GYS2: variants seen among roughly 807,000 people sequenced by gnomAD.
GYS2 encodes the protein glycogen synthase 2.
In GYS2, 80 loss-of-function variants were observed where a neutral mutation model predicts 85.6. The ratio of observed to expected loss-of-function variants is 0.93; its 90% CI spans 0.78 to 1.13. The LOEUF is 1.13. Ranked by LOEUF, GYS2 falls within the 50% of genes most tolerant of loss-of-function variation. The pLI, the probability that GYS2 is intolerant of heterozygous loss-of-function variation, is 0.00. For missense variants in GYS2, 881 were observed against 854.9 expected (o/e 1.03, Z -0.38); for synonymous variants, 328 against 300.7 (o/e 1.09, Z -0.94).
chr12:21,588,985 C>T (rs1944604452), intron 1 of GYS2, among the ~76,000 whole-genome samples: 1 of 152,200 alleles, frequency 6.6e-6, no homozygotes, highest in South Asian at 2.1e-4. Context: ...TGCAAAATTT[C>T]CAAAGAATTT....
rs1944039208 is a variant in GYS2 at position 21,546,357 on chromosome 12, C to T, written c.1536G>A (p.Trp512Ter). Residue 512 changes from tryptophan to a stop codon, truncating the protein, a stop_gained, in exon 12 of 16, where the codon TGG becomes TGA. Coordinates refer to ENST00000261195, the MANE Select transcript of GYS2 (RefSeq NM_021957.4). LOFTEE classifies it high-confidence loss of function. ...LGVFPSYYEPWGYTPAECTVM... is the reference protein window; with the variant it reads ...LGVFPSYYEP Reference sequence around the variant, plus strand: ...CATGACACATACCTGGAGTATAACCCCAGGGTTCATAGTATGATGGAAATA... The same window carrying T: ...CATGACACATACCTGGAGTATAACCTCAGGGTTCATAGTATGATGGAAATA... 3.1e-6 allele frequency: 5 copies of T among 1,603,566 alleles called. No homozygotes were observed. Among genetic ancestry groups the T allele is most frequent in the Non-Finnish European group, 4.3e-6 (5 of 1,171,340 alleles).
intron 11 of GYS2, among the ~76,000 whole-genome samples, chr12:21,553,207 G>A (rs1015504603): frequency 1.3e-5 from 2 of 152,282 alleles, no homozygotes; most frequent in African/African-American, 2.4e-5. Flanking sequence ...GAGCCACTGC[G>A]CTTGGCCTAT....
At chr12:21,578,070 A>T (rs574176650) in intron 2 of GYS2, among the ~76,000 whole-genome samples, 26 of 152,170 alleles carry the variant, frequency 1.7e-4, no homozygotes, top group African/African-American at 5.5e-4. Flanking sequence ...TCAAATCCCA[A>T]ATGATTTCTT....
chr12:21,574,415 C>T, intron 3 of GYS2, 89 bp from the exon 4 acceptor site: 2 of 998,952 alleles, frequency 2.0e-6, no homozygotes, highest in South Asian at 2.7e-5. Flanking sequence ...GTTATGGTGT[C>T]TATAAATTAT....
rs1219981050 is a variant in GYS2, at chr12:21,562,967, C to T, written c.1013G>A (p.Gly338Glu). The T allele has an allele frequency of 4.3e-6, 7 of 1,612,408 alleles. No individual in the cohort carries two copies. The highest frequency in any genetic ancestry group is 5.9e-6 in the Non-Finnish European group (7 of 1,178,642). Residue 338 changes from glycine to glutamate, a missense_variant, in exon 7 of 16, where the codon GGA becomes GAA. Physicochemically the swap from Gly to Glu is moderately conservative, Grantham distance 98. Coordinates refer to ENST00000261195, the MANE Select transcript of GYS2 (RefSeq NM_021957.4). ...IAGRYEFSNKGADIFLESLSR... is the reference protein window; with the variant it reads ...IAGRYEFSNKEADIFLESLSR... ...TAAGGATTCTAGGAAGATGTCAGCT[C>T]CTTTGTTTGAAAACTCATACCTCCC...
At chr12:21,569,233 T>A (rs564120815) in intron 4 of GYS2, among the ~76,000 whole-genome samples, 20 of 152,328 alleles carry the variant, frequency 1.3e-4, no homozygotes, top group African/African-American at 4.6e-4. Context: ...AACTGCAGTT[T>A]AACTCCCTAA....
intron 1 of GYS2, among the ~76,000 whole-genome samples, 168 bp downstream of exon 1, chr12:21,604,304 T>C (rs71539423): frequency 0.013 from 1,940 of 152,276 alleles, 21 homozygotes; most frequent in Middle Eastern, 0.031. Flanking sequence ...ATTCATAGCC[T>C]GTTGTAATAG....
chr12:21,553,473 T>A (rs1944137865), intron 11 of GYS2, among the ~76,000 whole-genome samples: 1 of 152,184 alleles, frequency 6.6e-6, no homozygotes. Context: ...TCCCTCTGGA[T>A]CTATTGCAGC....
At chr12:21,568,713 T>C in intron 5 of GYS2, 152 bp downstream of exon 5, 2 of 726,308 alleles carry the variant, frequency 2.8e-6, no homozygotes, top group South Asian at 1.5e-5. Context: ...CCTGCAAACC[T>C]ACTGAAATTG....
intron 2 of GYS2, among the ~76,000 whole-genome samples, chr12:21,580,015 G>T (rs761059208): frequency 1.3e-5 from 2 of 152,168 alleles, no homozygotes; most frequent in South Asian, 2.1e-4. Flanking sequence ...CACAAGGTTT[G>T]GTTGAAAACC....
At chr12:21,575,795 A>G in intron 3 of GYS2, 71 bp downstream of exon 3, 3 of 1,160,868 alleles carry the variant, frequency 2.6e-6, no homozygotes, top group Non-Finnish European at 3.9e-6. Context: ...TTTAAAGATC[A>G]TGGGATCATT....
At chr12:21,586,456 T>TATCC (rs1439878922) in intron 1 of GYS2, among the ~76,000 whole-genome samples, 2 of 151,714 alleles carry the variant, frequency 1.3e-5, no homozygotes, top group African/African-American at 4.9e-5. Flanking sequence ...TCTATCTATC[T>TATCC]ATCTATCTCC....
At chr12:21,563,165 T>C in intron 6 of GYS2, 63 bp downstream of exon 6, 2 of 1,188,518 alleles carry the variant, frequency 1.7e-6, no homozygotes, top group Non-Finnish European at 2.5e-6. Context: ...AATTCTGTTT[T>C]CTCTCTACCA....
intron 11 of GYS2, among the ~76,000 whole-genome samples, chr12:21,556,763 CT>C (rs1944184935): frequency 6.6e-6 from 1 of 152,214 alleles, no homozygotes; most frequent in Non-Finnish European, 1.5e-5. Context: ...TGAATTTTCC[CT>C]CTTTCTTACT....
rs547453878 is a variant in GYS2 at position 21,561,739 on chromosome 12, A to C, written c.1062+1179T>G. On this transcript the variant is annotated intron_variant, in intron 7 of 15. Coordinates refer to ENST00000261195, the MANE Select transcript of GYS2 (RefSeq NM_021957.4). ...GAATGAATATATACTAGGAAATATT[A>C]AGTAAGGTTATTTAAGAATAATCTT... is the stretch of plus-strand genomic sequence containing the variant. 1.8e-4 allele frequency among the ~76,000 whole-genome samples: 27 copies of C among 152,324 alleles called. 1 individual carries two copies. The South Asian group carries it at 5.2e-3, about 29-fold the overall frequency.
intron 11 of GYS2, among the ~76,000 whole-genome samples, chr12:21,552,252 A>G (rs1177073536): frequency 6.6e-6 from 1 of 152,220 alleles, no homozygotes; most frequent in Non-Finnish European, 1.5e-5. Flanking sequence ...TCAGGAAGTT[A>G]GTTTATTTTT....
At chr12:21,574,785 A>G in intron 3 of GYS2, among the ~76,000 whole-genome samples, 1 of 151,952 alleles carries the variant, frequency 6.6e-6, no homozygotes, top group Non-Finnish European at 1.5e-5. Flanking sequence ...TATTTATAGT[A>G]TATATTTTGA....
rs1446308792 is a variant in GYS2, at chr12:21,604,772, A to G, written c.-180T>C. The G allele has an allele frequency of 1.0e-5, 14 of 1,406,188 alleles. No homozygotes were observed. The highest frequency in any genetic ancestry group is 1.3e-5 in the Non-Finnish European group (14 of 1,075,674). The allele number at this position is 1,406,188 out of a possible 1,614,324, so 87.1% of individuals were successfully genotyped here. On this transcript the variant is annotated 5_prime_UTR_variant, in exon 1 of 16. Coordinates refer to ENST00000261195, the MANE Select transcript of GYS2 (RefSeq NM_021957.4). ...GTGCTTCCCACAGAATTCCTGGTGGAAGGAGGAATTCTTCCTCCTCTTTCT... is the reference window on the plus strand; with the variant it reads ...GTGCTTCCCACAGAATTCCTGGTGGGAGGAGGAATTCTTCCTCCTCTTTCT...
chr12:21,535,726 A>C (rs114689802), downstream of GYS2, among the ~76,000 whole-genome samples: 531 of 152,276 alleles, frequency 3.5e-3, 3 homozygotes, highest in Non-Finnish European at 4.8e-3. Context: ...AGAAGACCAA[A>C]ACTTTTTTAG....
Sources: gnomAD v4.1 joint callset for allele counts (sites outside exome capture counted in the v4.1 genomes callset) on GRCh38, gnomAD v4.1.1 for gene constraint, MANE v1.5 for transcripts, NCBI Gene and HGNC (gene_info 2026-07-23, HGNC 2026-07-21) for gene names.